DNAH8: variants seen among roughly 807,000 people sequenced by gnomAD.
DNAH8 encodes axonemal beta dynein heavy chain 8.
In DNAH8, 382 loss-of-function variants were observed where a neutral mutation model predicts 562.1. The ratio of observed to expected loss-of-function variants is 0.68; its 90% CI spans 0.63 to 0.74. DNAH8 has a LOEUF of 0.74. Among genes scored for constraint, DNAH8 ranks in the 30% least tolerant of loss-of-function variants. The pLI, the probability that DNAH8 is intolerant of heterozygous loss-of-function variation, is 0.00. For synonymous variants in DNAH8, 1,881 were observed against 1,919.4 expected (o/e 0.98, Z 0.52); for missense variants, 5,203 against 5,620.4 (o/e 0.93, Z 2.37).
chr6:38,748,447 A>T (rs1016814054), intron 8 of DNAH8, among the ~76,000 whole-genome samples: 3 of 151,998 alleles, frequency 2.0e-5, no homozygotes, highest in African/African-American at 4.8e-5. Context: ...TTGTTGACAA[A>T]CTGTTTGGCT....
chr6:38,867,677 C>T (rs1304354923), intron 47 of DNAH8, among the ~76,000 whole-genome samples: 1 of 144,996 alleles, frequency 6.9e-6, no homozygotes, highest in African/African-American at 2.6e-5. Flanking sequence ...TGCTTGAACC[C>T]GGGAGGTGGT....
intron 88 of DNAH8, among the ~76,000 whole-genome samples, chr6:39,004,480 T>C (rs1041862325): frequency 2.0e-5 from 3 of 152,220 alleles, no homozygotes; most frequent in African/African-American, 7.2e-5. Context: ...GGACATTCTT[T>C]TATGGATGAT....
chr6:38,929,275 T>C (rs929849588), intron 74 of DNAH8: 3 of 333,732 alleles, frequency 9.0e-6, no homozygotes, highest in Non-Finnish European at 1.1e-5. Flanking sequence ...CAATGCCCCT[T>C]AACCCTCCTC....
rs1774373467 is a variant in DNAH8 at position 38,837,205 on chromosome 6, A to G, written c.4366-737A>G. 2.0e-5 allele frequency among the ~76,000 whole-genome samples: 3 copies of G among 152,090 alleles called. No homozygotes were observed. In the South Asian group the frequency reaches 6.3e-4, roughly 32 times the overall value. On this transcript the variant is annotated intron_variant, in intron 32 of 92. Transcript: ENST00000327475. The stretch of plus-strand genomic sequence containing the variant: ...GATCTGGGTCCTGTAAAATATACTA[A>G]CGTATCTGTCAGATCTGTATTTTTG...
chr6:39,020,044 G>A (rs1766810936), intron 91 of DNAH8, among the ~76,000 whole-genome samples: 1 of 152,186 alleles, frequency 6.6e-6, no homozygotes, highest in African/African-American at 2.4e-5. Context: ...GAAGTGGGAG[G>A]TTGGTTAAAG....
At position 38,734,566 on chromosome 6, in the gene DNAH8, T is replaced by C. The variant is rs780611949; in HGVS notation, c.703T>C (p.Cys235Arg). 6.2e-7 allele frequency: 1 copy of C among 1,613,894 alleles called. No individual in the cohort carries two copies. The highest frequency in any genetic ancestry group is 8.5e-7 in the Non-Finnish European group (1 of 1,179,988). The change falls in exon 5 of 93, where the codon TGC (cysteine) becomes CGC (arginine). Residue 235 changes from cysteine to arginine, a missense_variant. Coordinates refer to ENST00000327475, the MANE Select transcript of DNAH8 (RefSeq NM_001206927.2). ...AGCCCCGGATAAACTAAAAGGACTGTGCATATTTTTTGTTCGTTGCCGTAA... is the reference window on the plus strand; with the variant it reads ...AGCCCCGGATAAACTAAAAGGACTGCGCATATTTTTTGTTCGTTGCCGTAA... ...NAAPDKLKGL[C>R]IFFVRCRNDV...
At chr6:38,933,094 G>A (rs779117910) in intron 76 of DNAH8, among the ~76,000 whole-genome samples, 5 of 152,160 alleles carry the variant, frequency 3.3e-5, no homozygotes, top group Admixed American at 6.5e-5. Context: ...TCGCCTCTCA[G>A]GATCACATGC....
At chr6:38,984,345 T>G (rs2150718314) in intron 87 of DNAH8, 38 bp downstream of exon 87, 1 of 1,365,102 alleles carries the variant, frequency 7.3e-7, no homozygotes, top group East Asian at 2.3e-5. Context: ...GGAGACACAT[T>G]TCACTGTATT....
chr6:38,834,040 C>T (rs1165277738), intron 31 of DNAH8, among the ~76,000 whole-genome samples: 1 of 152,110 alleles, frequency 6.6e-6, no homozygotes, highest in Non-Finnish European at 1.5e-5. Context: ...TCATAGCCAC[C>T]AGACACTGCT....
chr6:38,854,047 TATGTATATATATAC>T (rs1775985250), intron 41 of DNAH8, among the ~76,000 whole-genome samples: 1 of 152,040 alleles, frequency 6.6e-6, no homozygotes, highest in Non-Finnish European at 1.5e-5. Flanking sequence ...TGTATATATA[TATGTATATATATAC>T]ACCAATTCAT....
intron 88 of DNAH8, among the ~76,000 whole-genome samples, chr6:39,001,998 G>T (rs1010431649): frequency 2.0e-5 from 3 of 152,176 alleles, no homozygotes; most frequent in African/African-American, 7.2e-5. Context: ...ATCTCTGAGG[G>T]TTCTCAGTTG....
intron 85 of DNAH8, among the ~76,000 whole-genome samples, chr6:38,981,662 C>T (rs978688619): frequency 6.6e-5 from 10 of 152,202 alleles, no homozygotes; most frequent in Non-Finnish European, 1.3e-4. Flanking sequence ...AATTCAAACC[C>T]TTGCATTTGA....
chr6:38,909,705 A>C lies in DNAH8; in HGVS notation c.9701A>C (p.His3234Pro). Residue 3234 changes from histidine to proline, a missense_variant, in exon 65 of 93, where the codon CAT (histidine) becomes CCT (proline). His to Pro is a moderately conservative substitution (Grantham distance 77). Around this residue, in one of 6 missense-constraint regions of DNAH8, gnomAD observed 977 missense variants for 1,061.8 expected, o/e 0.92. Transcript: ENST00000327475. ...RQVVETMGLF[H>P]DMVSESCESY... ...GTTGTAGAAACAATGGGCCTGTTTCATGACATGGTTTCAGAGAGCTGTGAA... is the reference window on the plus strand; with the variant it reads ...GTTGTAGAAACAATGGGCCTGTTTCCTGACATGGTTTCAGAGAGCTGTGAA... 1 of 1,614,138 alleles carries C rather than the reference A, an allele frequency of 6.2e-7. No homozygotes were observed. Among genetic ancestry groups the C allele is most frequent in the African/African-American group, 1.3e-5 (1 of 75,058 alleles).
chr6:38,888,318 G>A (rs546974341), intron 57 of DNAH8, among the ~76,000 whole-genome samples: 64 of 152,234 alleles, frequency 4.2e-4, no homozygotes, highest in African/African-American at 1.5e-3. Flanking sequence ...AAATAGTTGA[G>A]TGACCTCTGA....
intron 39 of DNAH8, among the ~76,000 whole-genome samples, chr6:38,852,176 T>G (rs1775801411): frequency 1.3e-5 from 2 of 152,186 alleles, no homozygotes; most frequent in South Asian, 2.1e-4. Flanking sequence ...AGCAATACTT[T>G]GGAAGAGGAA....
chr6:38,904,792 C>CACACAAA (rs1780325524), intron 62 of DNAH8, among the ~76,000 whole-genome samples: 1 of 86,322 alleles, frequency 1.2e-5, no homozygotes, highest in Non-Finnish European at 2.2e-5. Context: ...AACTCCGTCT[C>CACACAAA]AAAAAAAAAA....
intron 82 of DNAH8, among the ~76,000 whole-genome samples, chr6:38,962,116 T>C (rs1002102810): frequency 2.0e-5 from 3 of 151,946 alleles, no homozygotes; most frequent in Admixed American, 1.3e-4. Context: ...AAGAAAACTA[T>C]AAAACCTTCT....
chr6:38,807,073 T>C (rs1475615600), intron 23 of DNAH8, among the ~76,000 whole-genome samples: 1 of 152,194 alleles, frequency 6.6e-6, no homozygotes, highest in Non-Finnish European at 1.5e-5. Flanking sequence ...TCCTGTGCTC[T>C]GATCAATAAA....
chr6:38,777,115 A>G (rs1314408939), intron 13 of DNAH8, among the ~76,000 whole-genome samples: 1 of 152,198 alleles, frequency 6.6e-6, no homozygotes, highest in Non-Finnish European at 1.5e-5. Context: ...GTGTTTTGGC[A>G]TAGATTTCCT....
Sources: gnomAD v4.1 joint callset for allele counts (sites outside exome capture counted in the v4.1 genomes callset) on GRCh38, gnomAD v4.1.1 for gene constraint, gnomAD v4.1.1 regional missense constraint, MANE v1.5 for transcripts, NCBI Gene and HGNC (gene_info 2026-07-23, HGNC 2026-07-21) for gene names.